ITPR2: variants seen among roughly 807,000 people sequenced by gnomAD.
ITPR2 encodes the protein inositol 1,4,5-trisphosphate receptor type 2.
In ITPR2, 207 loss-of-function variants were observed where a neutral mutation model predicts 317.1. The observed-to-expected ratio is 0.65, with a 90% CI of 0.58 to 0.73. The LOEUF (loss-of-function observed/expected upper bound fraction) is 0.73, where lower values mean the gene tolerates loss of function less well. ITPR2 is among the 30% of genes least tolerant of loss of function. The probability of loss-of-function intolerance (pLI) is 0.00; values close to 1 mark genes in which losing one functional copy is unlikely to be tolerated. For missense variants in ITPR2, 2,613 were observed against 3,284.0 expected (o/e 0.80, Z 4.99); for synonymous variants, 1,156 against 1,149.1 (o/e 1.01, Z -0.12).
At chr12:26,574,594 G>C (rs1383320103) in intron 34 of ITPR2, among the ~76,000 whole-genome samples, 1 of 152,184 alleles carries the variant, frequency 6.6e-6, no homozygotes, top group East Asian at 1.9e-4. Context: ...AATGAAATTA[G>C]ACTGTATCAG....
chr12:26,477,820 G>A (rs1354560476), intron 43 of ITPR2, among the ~76,000 whole-genome samples: 1 of 152,050 alleles, frequency 6.6e-6, no homozygotes, highest in South Asian at 2.1e-4. Flanking sequence ...CATTTTGAAA[G>A]ATGTTACTTC....
chr12:26,693,378 T>G (rs958100185), intron 10 of ITPR2, among the ~76,000 whole-genome samples: 4 of 152,182 alleles, frequency 2.6e-5, no homozygotes, highest in Admixed American at 2.0e-4. Context: ...ATATGATCAT[T>G]TATACAGTTT....
intron 46 of ITPR2, 57 bp from the exon 47 acceptor site, chr12:26,439,376 G>T: frequency 7.9e-7 from 1 of 1,266,734 alleles, no homozygotes; most frequent in Non-Finnish European, 1.1e-6. Flanking sequence ...TCTTAGACTT[G>T]CTTTTGTTTT....
intron 50 of ITPR2, among the ~76,000 whole-genome samples, chr12:26,416,993 G>A (rs1333014134): frequency 1.3e-5 from 2 of 152,156 alleles, no homozygotes; most frequent in African/African-American, 2.4e-5. Context: ...TCTTACAAAA[G>A]CTGTTGACAT....
At chr12:26,425,356 T>A (rs1446325912) in intron 49 of ITPR2, among the ~76,000 whole-genome samples, 1 of 152,176 alleles carries the variant, frequency 6.6e-6, no homozygotes, top group Non-Finnish European at 1.5e-5. Flanking sequence ...CAAATTAAAG[T>A]TGATTTTTTT....
intron 48 of ITPR2, among the ~76,000 whole-genome samples, chr12:26,431,700 C>G (rs1941212904): frequency 6.6e-6 from 1 of 152,148 alleles, no homozygotes; most frequent in African/African-American, 2.4e-5. Context: ...GTCATTGTAC[C>G]CCACTACCTG....
intron 32 of ITPR2, among the ~76,000 whole-genome samples, chr12:26,592,625 T>C (rs1945734963): frequency 6.6e-6 from 1 of 152,236 alleles, no homozygotes; most frequent in African/African-American, 2.4e-5. Flanking sequence ...CTGAAGACTA[T>C]GAACTGTATA....
chr12:26,429,786 C>T (rs1246731021), intron 48 of ITPR2, among the ~76,000 whole-genome samples: 4 of 152,218 alleles, frequency 2.6e-5, no homozygotes, highest in Non-Finnish European at 5.9e-5. Context: ...TACAGCTTAG[C>T]TTTTAAGTTC....
At chr12:26,792,219 G>A (rs1362158557) in intron 1 of ITPR2, among the ~76,000 whole-genome samples, 1 of 152,050 alleles carries the variant, frequency 6.6e-6, no homozygotes, top group Non-Finnish European at 1.5e-5. Flanking sequence ...AAAAACATCT[G>A]TGAAAATCAC....
chr12:26,409,384 T>C (rs1228341341), intron 52 of ITPR2, among the ~76,000 whole-genome samples: 1 of 152,248 alleles, frequency 6.6e-6, no homozygotes, highest in East Asian at 1.9e-4. Flanking sequence ...GTTAACAGTT[T>C]CTTTAAGAGA....
At chr12:26,512,611 T>C (rs927662446) in intron 37 of ITPR2, among the ~76,000 whole-genome samples, 4 of 152,148 alleles carry the variant, frequency 2.6e-5, no homozygotes, top group African/African-American at 9.7e-5. Context: ...CCAAAGTACA[T>C]CTTACACATA....
At chr12:26,422,614 G>A (rs1201066839) in intron 49 of ITPR2, among the ~76,000 whole-genome samples, 1 of 152,092 alleles carries the variant, frequency 6.6e-6, no homozygotes, top group Non-Finnish European at 1.5e-5. Flanking sequence ...GTAGAATTCT[G>A]TGTGATACCT....
At chr12:26,409,503 T>C (rs1318123355) in intron 52 of ITPR2, among the ~76,000 whole-genome samples, 1 of 152,056 alleles carries the variant, frequency 6.6e-6, no homozygotes, top group Non-Finnish European at 1.5e-5. Flanking sequence ...GCACCCTTAA[T>C]GGAAATCTTC....
chr12:26,494,107 G>A, intron 39 of ITPR2, 46 bp downstream of exon 39: 1 of 1,424,944 alleles, frequency 7.0e-7, no homozygotes, highest in Non-Finnish European at 9.6e-7. Flanking sequence ...AAGTAAACAA[G>A]AAATACCAAT....
intron 33 of ITPR2, 121 bp downstream of exon 33, chr12:26,579,905 AT>A: frequency 3.0e-6 from 2 of 674,020 alleles, no homozygotes; most frequent in Non-Finnish European, 4.8e-6. Flanking sequence ...ATAATAGTAA[AT>A]AATATAAGAG....
intron 45 of ITPR2, among the ~76,000 whole-genome samples, chr12:26,450,779 T>C (rs1191589903): frequency 6.6e-6 from 1 of 152,096 alleles, no homozygotes; most frequent in Non-Finnish European, 1.5e-5. Context: ...TGAAGGGCTG[T>C]ACGCACTCTT....
At chr12:26,677,265 A>G (rs979923903) in intron 13 of ITPR2, among the ~76,000 whole-genome samples, 3 of 152,222 alleles carry the variant, frequency 2.0e-5, no homozygotes, top group East Asian at 1.9e-4. Flanking sequence ...AATGCATTCA[A>G]ATAAATTTGT....
intron 23 of ITPR2, among the ~76,000 whole-genome samples, chr12:26,626,965 G>T (rs904303550): frequency 1.3e-5 from 2 of 151,898 alleles, no homozygotes; most frequent in African/African-American, 4.8e-5. Flanking sequence ...AAAAAAAAAT[G>T]GTAATTTAAT....
At chr12:26,631,212 T>C (rs1164881551) in intron 22 of ITPR2, among the ~76,000 whole-genome samples, 2 of 152,228 alleles carry the variant, frequency 1.3e-5, no homozygotes, top group African/African-American at 4.8e-5. Context: ...TAAAAACTGC[T>C]AAGAATTTAT....
Sources: allele counts gnomAD v4.1 joint callset (sites outside exome capture counted in the v4.1 genomes callset), GRCh38; gene constraint gnomAD v4.1.1; transcripts MANE v1.5; gene names NCBI Gene and HGNC (gene_info 2026-07-23, HGNC 2026-07-21).